SLC6A17: variants seen among roughly 807,000 people sequenced by gnomAD.
The protein encoded by SLC6A17 is sodium-dependent neutral amino acid transporter SLC6A17.
Under a neutral mutation model 64.5 loss-of-function variants are expected in SLC6A17, and 21 were observed. The observed-to-expected ratio is 0.33, with a 90% CI of 0.23 to 0.47. SLC6A17 has a LOEUF of 0.47. SLC6A17 is among the 20% of genes least tolerant of loss of function. The pLI is 1.00. For synonymous variants in SLC6A17, 372 were observed against 399.5 expected (o/e 0.93, Z 0.82); for missense variants, 682 against 963.2 (o/e 0.71, Z 3.86).
In SLC6A17 at chr1:110,198,045, G is replaced by A. The variant is rs566050524; in HGVS notation, c.1816-31G>A. On this transcript the variant is annotated intron_variant, in intron 11 of 11. Transcript: ENST00000331565. The stretch of plus-strand genomic sequence containing the variant: ...GGGCGGGGAGGGCTGTCACAGTGCC[G>A]GCAGCAGCCCTTAAGGCAGCCCACC... 3.2e-5 allele frequency: 51 copies of A among 1,580,070 alleles called. No individual in the cohort carries two copies. In the South Asian group the frequency reaches 3.4e-4, roughly 10 times the overall value.
intron 8 of SLC6A17, among the ~76,000 whole-genome samples, chr1:110,193,495 G>A (rs1254748438): frequency 6.6e-6 from 1 of 152,250 alleles, no homozygotes; most frequent in Non-Finnish European, 1.5e-5. Flanking sequence ...GAACCAGGCT[G>A]GAGCCAAGGC....
intron 6 of SLC6A17, among the ~76,000 whole-genome samples, chr1:110,182,036 C>A (rs1656539705): frequency 6.6e-6 from 1 of 152,138 alleles, no homozygotes; most frequent in South Asian, 2.1e-4. Flanking sequence ...TCTTAAGTGG[C>A]TTCTGTAGAA....
At chr1:110,161,003 A>G (rs1048412577) in intron 1 of SLC6A17, among the ~76,000 whole-genome samples, 1 of 152,172 alleles carries the variant, frequency 6.6e-6, no homozygotes, top group African/African-American at 2.4e-5. Context: ...GCACGCCTAC[A>G]GGACTTGCAA....
chr1:110,170,783 C>T (rs1238994376), intron 2 of SLC6A17, among the ~76,000 whole-genome samples: 1 of 152,080 alleles, frequency 6.6e-6, no homozygotes, highest in Non-Finnish European at 1.5e-5. Context: ...CTGACTAGCT[C>T]CATTGGACCC....
At position 110,150,759 on chromosome 1, in the gene SLC6A17, C is replaced by T. The variant is rs1379086644; in HGVS notation, c.-212C>T. On this transcript the variant is annotated 5_prime_UTR_variant, in exon 1 of 12. Transcript: ENST00000331565. The stretch of plus-strand genomic sequence containing the variant: ...CGTGCGCCGGCGCGCAGCTCCGGGT[C>T]GCCCCAGCCCCAGCCGGGGGCCTGT... 1.3e-5 allele frequency: 2 copies of T among 152,160 alleles called. No individual in the cohort carries two copies. The highest frequency in any genetic ancestry group is 2.4e-5 in the African/African-American group (1 of 41,450). The allele number at this position is 152,160 out of a possible 1,614,324, so 9.4% of individuals were successfully genotyped here.
chr1:110,200,461 TC>T lies in SLC6A17; in HGVS notation c.*2018del, dbSNP rs1274398203. The T allele has an allele frequency of 1.4e-5, 3 of 219,290 alleles. No homozygotes were observed. Among genetic ancestry groups the T allele is most frequent in the Non-Finnish European group, 2.7e-5 (3 of 112,658 alleles). The allele number at this position is 219,290 out of a possible 1,614,324, so 13.6% of individuals were successfully genotyped here. On this transcript the variant is annotated 3_prime_UTR_variant, in exon 12 of 12. Coordinates refer to ENST00000331565, the MANE Select transcript of SLC6A17 (RefSeq NM_001010898.4). ...AAAAGCAGAGCCCCAGGAGAGACAC[TC>T]TACTATATATACTCTTCTATATATT...
At chr1:110,153,590 C>G (rs1187019092) in intron 1 of SLC6A17, among the ~76,000 whole-genome samples, 1 of 148,688 alleles carries the variant, frequency 6.7e-6, no homozygotes, top group Non-Finnish European at 1.5e-5. Flanking sequence ...AATGCCCTCC[C>G]CATTGGATCC....
intron 6 of SLC6A17, among the ~76,000 whole-genome samples, chr1:110,176,979 T>C (rs575457177): frequency 2.0e-5 from 3 of 152,100 alleles, no homozygotes; most frequent in Non-Finnish European, 4.4e-5. Context: ...GGAGGTAACA[T>C]CTGAAAGAGC....
chr1:110,152,018 A>G (rs1655622940), intron 1 of SLC6A17, among the ~76,000 whole-genome samples: 1 of 152,182 alleles, frequency 6.6e-6, no homozygotes, highest in African/African-American at 2.4e-5. Context: ...ATTCGGCCAA[A>G]ACTTTAGTTA....
chr1:110,166,786 G>A (rs1193730690), intron 1 of SLC6A17, 57 bp from the exon 2 acceptor site: 3 of 1,103,846 alleles, frequency 2.7e-6, no homozygotes, highest in Non-Finnish European at 3.7e-6. Flanking sequence ...TCCACGTTGG[G>A]CTCCTCACCT....
chr1:110,169,609 A>T (rs1656163203), intron 2 of SLC6A17, among the ~76,000 whole-genome samples: 4 of 152,084 alleles, frequency 2.6e-5, no homozygotes, highest in Admixed American at 2.6e-4. Context: ...TAAGGCTTAG[A>T]ATACTGACCG....
Position 110,174,739 on chromosome 1 carries a change from C to A in SLC6A17, c.572-40C>A, listed in dbSNP as rs773881509. On this transcript the variant is annotated intron_variant, in intron 4 of 11. Coordinates refer to ENST00000331565, the MANE Select transcript of SLC6A17 (RefSeq NM_001010898.4). ...CCAGCAGAGGAAGTGACCCCATAGG[C>A]CCTGCCACTGAGGCCCTGTGACCTT... 5.0e-6 allele frequency: 8 copies of A among 1,601,316 alleles called. No homozygotes were observed. The African/African-American group carries it at 8.0e-5, about 16-fold the overall frequency.
At chr1:110,165,083 A>G (rs927134211) in intron 1 of SLC6A17, among the ~76,000 whole-genome samples, 3 of 152,170 alleles carry the variant, frequency 2.0e-5, no homozygotes, top group Admixed American at 2.0e-4. Flanking sequence ...TGTAAGCTGT[A>G]GGGGACGGGG....
At chr1:110,195,554 TG>T in intron 9 of SLC6A17, 31 bp from the exon 10 acceptor site, 1 of 1,612,136 alleles carries the variant, frequency 6.2e-7, no homozygotes, top group Non-Finnish European at 8.5e-7. Flanking sequence ...CCTGCACCTT[TG>T]CCCCCAAACC....
Position 110,192,361 on chromosome 1 carries a change from A to G in SLC6A17, c.1107-145A>G. 6.9e-7 allele frequency: 1 copy of G among 1,448,034 alleles called. No individual in the cohort carries two copies. The highest frequency in any genetic ancestry group is 2.3e-5 in the East Asian group (1 of 43,428). 89.7% of individuals were successfully genotyped at this position (1,448,034 alleles called of 1,614,324 possible). A position where few individuals can be genotyped will look rare whatever the true frequency, so the allele number is the denominator to read the frequency against. Reference sequence around the variant, plus strand: ...GATCAGAGGAGCACTCTCTGTCCCCAGCTCCGGGCCACAGGGACAAGCTCA... The same window carrying G: ...GATCAGAGGAGCACTCTCTGTCCCCGGCTCCGGGCCACAGGGACAAGCTCA... On this transcript the variant is annotated intron_variant, in intron 7 of 11. Transcript: ENST00000331565. This position sits in a 1 kb window ranked among gnomAD's most constrained non-coding sequence, Gnocchi z 4.3.
Position 110,198,679 on chromosome 1 carries a change from C to A in SLC6A17, c.*235C>A. 1 of 599,806 alleles carries A rather than the reference C, an allele frequency of 1.7e-6. No homozygotes were observed. Among genetic ancestry groups the A allele is most frequent in the Non-Finnish European group, 2.7e-6 (1 of 372,686 alleles). 37.2% of individuals were successfully genotyped at this position (599,806 alleles called of 1,614,324 possible). On this transcript the variant is annotated 3_prime_UTR_variant, in exon 12 of 12. Coordinates refer to ENST00000331565, the MANE Select transcript of SLC6A17 (RefSeq NM_001010898.4). ...TCAGGACCCCACTCATCTAGCCCTC[C>A]AAGAGCCTCCGCCAAATTGTAGCCA...
intron 6 of SLC6A17, among the ~76,000 whole-genome samples, chr1:110,179,832 C>T (rs564408160): frequency 5.9e-5 from 9 of 152,032 alleles, no homozygotes; most frequent in Admixed American, 1.3e-4. Context: ...GGATTACAGG[C>T]GTGAGCCACT....
At chr1:110,163,984 C>T (rs1430083836) in intron 1 of SLC6A17, among the ~76,000 whole-genome samples, 2 of 152,122 alleles carry the variant, frequency 1.3e-5, no homozygotes, top group Non-Finnish European at 2.9e-5. Context: ...CCCCTGGAGT[C>T]ACATGGAGAT....
At chr1:110,169,195 C>A (rs1656151107) in intron 2 of SLC6A17, among the ~76,000 whole-genome samples, 1 of 152,262 alleles carries the variant, frequency 6.6e-6, no homozygotes, top group Non-Finnish European at 1.5e-5. Context: ...TGGACAGAAA[C>A]TCTGGAACAC....
Sources: allele counts gnomAD v4.1 joint callset (sites outside exome capture counted in the v4.1 genomes callset), GRCh38; gene constraint gnomAD v4.1.1; non-coding constraint Gnocchi (gnomAD v3.1); transcripts MANE v1.5; gene names NCBI Gene and HGNC (gene_info 2026-07-23, HGNC 2026-07-21).